POP4: variants seen among roughly 807,000 people sequenced by gnomAD.
The protein encoded by POP4 is POP4 ribonuclease P/MRP subunit, also known as ribonuclease P protein subunit p29.
POP4 carries 31 observed loss-of-function variants against 29.9 expected under a neutral mutation model. The observed-to-expected ratio is 1.04, with a 90% CI of 0.78 to 1.40. The LOEUF (loss-of-function observed/expected upper bound fraction) is 1.40, where lower values mean the gene tolerates loss of function less well. POP4 is among the 40% of genes most tolerant of loss of function. POP4 has a pLI of 0.00. For synonymous variants in POP4, 110 were observed against 108.2 expected, an observed-to-expected ratio of 1.02 and a Z score of -0.10; for missense variants, 286 against 282.7, an observed-to-expected ratio of 1.01 and a Z score of -0.08.
intron 6 of POP4, among the ~76,000 whole-genome samples, 185 bp from the exon 7 acceptor site, chr19:29,615,059 A>G (rs1285246844): frequency 1.3e-5 from 2 of 152,192 alleles, no homozygotes; most frequent in Non-Finnish European, 1.5e-5. Context: ...GCATGTGACT[A>G]GATTGACCTG....
chr19:29,613,744 G>A (rs1971098537), intron 5 of POP4, 127 bp from the exon 6 acceptor site: 2 of 1,420,488 alleles, frequency 1.4e-6, no homozygotes, highest in Non-Finnish European at 1.9e-6. Flanking sequence ...CACCCCCTGG[G>A]TGCTCTGTTC....
intron 2 of POP4, chr19:29,608,942 C>T: frequency 4.0e-6 from 2 of 498,344 alleles, no homozygotes; most frequent in Non-Finnish European, 3.6e-6. Flanking sequence ...CTTTCCTTAA[C>T]CTTTTATCAT....
intron 5 of POP4, among the ~76,000 whole-genome samples, chr19:29,613,437 A>G (rs1479226763): frequency 6.6e-6 from 1 of 152,154 alleles, no homozygotes; most frequent in African/African-American, 2.4e-5. Context: ...CTCATCTCGC[A>G]GTGCTGGCTG....
In POP4 at chr19:29,610,467, C is replaced by A. The variant is rs767356797; in HGVS notation, c.119C>A (p.Pro40His). 2 of 1,602,268 alleles carry A rather than the reference C, an allele frequency of 1.2e-6. No homozygotes were observed. The highest frequency in any genetic ancestry group is 2.2e-5 in the East Asian group (1 of 44,596). Residue 40 changes from proline to histidine, a missense_variant, in exon 3 of 7, where the codon CCC (proline) becomes CAC (histidine). By Grantham distance (77) the Pro-to-His change is moderately conservative (BLOSUM62 -2). Transcript: ENST00000585603. ...FVRAFLKRST[P>H]RMSPQAREDQ... ...AGGGCCTTCCTGAAGCGCAGCACGC[C>A]CCGCATGAGCCCGCAGGCCCGCGAG... is the stretch of plus-strand genomic sequence containing the variant.
In POP4 at chr19:29,610,398, T is replaced by C. The variant is rs1446329876; in HGVS notation, c.61-11T>C. 1.3e-6 allele frequency: 2 copies of C among 1,546,170 alleles called. No homozygotes were observed. On this transcript the variant is annotated splice_polypyrimidine_tract_variant and intron_variant, in intron 2 of 6. Transcript: ENST00000585603. The stretch of plus-strand genomic sequence containing the variant: ...GAGCAGTGAGCGCCGCACCCCCTTG[T>C]CCGCCTGCAGCCTTCAGGAGCACAG...
rs1017640385 is a variant in POP4 at position 29,613,739 on chromosome 19, C to A, written c.425-132C>A. 1.0e-5 allele frequency: 14 copies of A among 1,383,684 alleles called. No homozygotes were observed. The East Asian group carries it at 1.2e-4, about 12-fold the overall frequency. 85.7% of individuals were successfully genotyped at this position (1,383,684 alleles called of 1,614,324 possible). A position where few individuals can be genotyped will look rare whatever the true frequency, so the allele number is the denominator to read the frequency against. ...GGGCCCAGCTGTTGAGCCCCCACCCCCTGGGTGCTCTGTTCTTTCATCTGC... is the reference window on the plus strand; with the variant it reads ...GGGCCCAGCTGTTGAGCCCCCACCCACTGGGTGCTCTGTTCTTTCATCTGC... On this transcript the variant is annotated intron_variant, in intron 5 of 6. Transcript: ENST00000585603.
chr19:29,614,085 T>G, intron 6 of POP4, 113 bp downstream of exon 6: 1 of 1,463,710 alleles, frequency 6.8e-7, no homozygotes, highest in Non-Finnish European at 9.0e-7. Context: ...CAGCGCAGAT[T>G]GCAGATACTT....
rs146765127 is a variant in POP4, at chr19:29,612,912, T to C, written c.424+734T>C. On this transcript the variant is annotated intron_variant, in intron 5 of 6. Transcript: ENST00000585603. The stretch of plus-strand genomic sequence containing the variant: ...CCGGTTACGTAGAAATCAGAGCACG[T>C]TCCTTCCCTGCTTCAAGTCTTCTGG... 6.6e-3 allele frequency among the ~76,000 whole-genome samples: 1,008 copies of C among 152,294 alleles called. 12 individuals are homozygous for C. The highest frequency in any genetic ancestry group is 0.012 in the Non-Finnish European group (812 of 68,022).
intron 1 of POP4, among the ~76,000 whole-genome samples, chr19:29,608,230 AGAAG>A: frequency 2.0e-5 from 1 of 50,468 alleles, no homozygotes; most frequent in African/African-American, 7.8e-5. Context: ...CTATAAGTGT[AGAAG>A]TGTAGTTATT....
intron 4 of POP4, 23 bp from the exon 5 acceptor site, chr19:29,612,094 A>G: frequency 6.2e-7 from 1 of 1,601,306 alleles, no homozygotes; most frequent in Non-Finnish European, 8.5e-7. Context: ...GATGTAAACC[A>G]AGGGCTTCTG....
At position 29,610,519 on chromosome 19, in the gene POP4, C is replaced by G. The variant is rs763331983; in HGVS notation, c.171C>G (p.Val57=). 3 of 1,613,294 alleles carry G rather than the reference C, an allele frequency of 1.9e-6. No homozygotes were observed. Among genetic ancestry groups the G allele is most frequent in the African/African-American group, 1.3e-5 (1 of 75,034 alleles). The change falls in exon 3 of 7, where the codon GTC becomes GTG. Residue 57 remains valine, a synonymous_variant. Coordinates refer to ENST00000585603, the MANE Select transcript of POP4 (RefSeq NM_006627.3). Reference sequence around the variant, plus strand: ...ACCAGCTGCAGCGCAAGGCGGTGGTCCTGGAGTACTTCACCCGCCACAAGC... The same window carrying G: ...ACCAGCTGCAGCGCAAGGCGGTGGTGCTGGAGTACTTCACCCGCCACAAGC... ...REDQLQRKAV[V]LEYFTRHKRK...
Position 29,608,672 on chromosome 19 carries a change from C to T in POP4, c.23C>T (p.Ala8Val). ...AATCCCCCAGGTGTGATCTACCATG[C>T]ATTGTCTCAGAAAGAGGCGAATGAC... MKSVIYH[A>V]LSQKEANDSD... is the part of the protein sequence containing the mutation. The change falls in exon 2 of 7, where the codon GCA (alanine) becomes GTA (valine). Residue 8 changes from alanine (A) to valine (V), a missense_variant. Coordinates refer to ENST00000585603, the MANE Select transcript of POP4 (RefSeq NM_006627.3). The T allele has an allele frequency of 5.0e-6, 8 of 1,613,906 alleles. No homozygotes were observed. Among genetic ancestry groups the T allele is most frequent in the Non-Finnish European group, 5.9e-6 (7 of 1,179,840 alleles).
rs1034923619 is a variant in POP4, at chr19:29,616,746, G to A, written c.*1366G>A. 1 of 152,346 alleles carries A rather than the reference G, an allele frequency of 6.6e-6. No homozygotes were observed. Among genetic ancestry groups the A allele is most frequent in the Non-Finnish European group, 1.5e-5 (1 of 68,170 alleles). 9.4% of individuals were successfully genotyped at this position (152,346 alleles called of 1,614,324 possible). A position where few individuals can be genotyped will look rare whatever the true frequency, so the allele number is the denominator to read the frequency against. ...CAGGGTGTTCTGAGGCAGCTCAAGT[G>A]CTCTCCCCCAAGCAGCACGCAGTCA... is the stretch of plus-strand genomic sequence containing the variant. On this transcript the variant is annotated 3_prime_UTR_variant, in exon 7 of 7. Coordinates refer to ENST00000585603, the MANE Select transcript of POP4 (RefSeq NM_006627.3).
intron 1 of POP4, among the ~76,000 whole-genome samples, chr19:29,607,099 C>T (rs1229107490): frequency 6.6e-6 from 1 of 152,086 alleles, no homozygotes; most frequent in Admixed American, 6.6e-5. Flanking sequence ...GAACTAGATG[C>T]TATATATAAA....
intron 1 of POP4, among the ~76,000 whole-genome samples, chr19:29,608,262 C>CTTTTTTTTTTTTT (rs1164860504): frequency 1.7e-4 from 15 of 86,578 alleles, no homozygotes; most frequent in African/African-American, 6.2e-4. Context: ...CTTTTCTTTT[C>CTTTTTTTTTTTTT]TTTTTTTTTT....
At chr19:29,611,776 C>T in intron 3 of POP4, 86 bp from the exon 4 acceptor site, 1 of 1,124,128 alleles carries the variant, frequency 8.9e-7, no homozygotes, top group Non-Finnish European at 1.3e-6. Context: ...CAGTTGTTGG[C>T]ATCAAGTCAA....
chr19:29,615,209 T>G (rs777479855), intron 6 of POP4, 35 bp from the exon 7 acceptor site: 250 of 1,520,042 alleles, frequency 1.6e-4, no homozygotes, highest in Middle Eastern at 2.0e-4. Context: ...TTTCCTCATC[T>G]TTTTTTCTCC....
At chr19:29,608,737 C>T (rs1393472173) in intron 2 of POP4, 28 bp downstream of exon 2, 2 of 1,607,928 alleles carry the variant, frequency 1.2e-6, no homozygotes, top group Admixed American at 1.7e-5. Flanking sequence ...AGTCCAGGAG[C>T]AACAGAGGTG....
At chr19:29,611,600 G>GTT in intron 3 of POP4, 1 of 418,318 alleles carries the variant, frequency 2.4e-6, no homozygotes, top group Non-Finnish European at 4.3e-6. Flanking sequence ...CAAGACTCAC[G>GTT]TTTATTTCTC....
Sources: allele counts gnomAD v4.1 joint callset (sites outside exome capture counted in the v4.1 genomes callset), GRCh38; gene constraint gnomAD v4.1.1; transcripts MANE v1.5; gene names NCBI Gene and HGNC (gene_info 2026-07-23, HGNC 2026-07-21).